Variants in GRIN3A observed in about 807,000 individuals in gnomAD.
GRIN3A encodes glutamate receptor ionotropic, NMDA 3A.
Under a neutral mutation model 92.4 loss-of-function variants are expected in GRIN3A, and 47 were observed. That is an observed-to-expected ratio of 0.51 (90% confidence interval 0.40 to 0.65). The LOEUF (loss-of-function observed/expected upper bound fraction) is 0.65. Ranked by LOEUF, GRIN3A falls within the 30% of genes least tolerant of loss-of-function variation. The pLI is 0.00. For synonymous variants in GRIN3A, 527 were observed against 540.6 expected (o/e 0.97, Z 0.35); for missense variants, 1,324 against 1,393.1 (o/e 0.95, Z 0.79).
At chr9:101,692,827 CT>C (rs1829637564) in intron 1 of GRIN3A, among the ~76,000 whole-genome samples, 1 of 152,116 alleles carries the variant, frequency 6.6e-6, no homozygotes, top group Non-Finnish European at 1.5e-5. Flanking sequence ...AAGATTGTTC[CT>C]TTAGCAGCCC....
At chr9:101,588,098 C>A (rs968502948) in intron 6 of GRIN3A, among the ~76,000 whole-genome samples, 1 of 152,026 alleles carries the variant, frequency 6.6e-6, no homozygotes, top group Admixed American at 6.5e-5. Context: ...GACAGAGTTT[C>A]CCAGGTGAGA....
intron 1 of GRIN3A, among the ~76,000 whole-genome samples, chr9:101,689,793 A>G (rs1829591235): frequency 6.6e-6 from 1 of 151,842 alleles, no homozygotes; most frequent in Admixed American, 6.6e-5. Context: ...GAAAACTTAT[A>G]ACACTAAAAT....
chr9:101,692,783 A>G (rs577980428), intron 1 of GRIN3A, among the ~76,000 whole-genome samples: 3 of 152,262 alleles, frequency 2.0e-5, no homozygotes, highest in South Asian at 2.1e-4. Context: ...CATTTGACCT[A>G]TATTATACAG....
intron 6 of GRIN3A, among the ~76,000 whole-genome samples, chr9:101,612,182 G>A (rs1828377323): frequency 6.6e-6 from 1 of 152,232 alleles, no homozygotes; most frequent in Non-Finnish European, 1.5e-5. Flanking sequence ...AGTGGTCCAG[G>A]TGAAGAATGA....
intron 6 of GRIN3A, among the ~76,000 whole-genome samples, chr9:101,586,334 A>G (rs1005299555): frequency 2.6e-5 from 4 of 152,222 alleles, no homozygotes. Flanking sequence ...CTTGTTTAGA[A>G]CAGTGCCCAG....
intron 2 of GRIN3A, among the ~76,000 whole-genome samples, chr9:101,686,190 T>A (rs1012649543): frequency 6.6e-6 from 1 of 152,208 alleles, no homozygotes. Flanking sequence ...TTATTTTGCA[T>A]CTACTATAAG....
intron 6 of GRIN3A, among the ~76,000 whole-genome samples, chr9:101,604,766 T>G (rs1451601431): frequency 6.6e-6 from 1 of 152,182 alleles, no homozygotes; most frequent in East Asian, 1.9e-4. Flanking sequence ...TTTGAGTTTT[T>G]AATATGAATT....
At chr9:101,595,178 G>A (rs1304978659) in intron 6 of GRIN3A, among the ~76,000 whole-genome samples, 1 of 151,096 alleles carries the variant, frequency 6.6e-6, no homozygotes, top group Non-Finnish European at 1.5e-5. Flanking sequence ...AGTATAGGGA[G>A]GAGAGAATGG....
At chr9:101,641,876 A>G (rs1356591961) in intron 3 of GRIN3A, among the ~76,000 whole-genome samples, 1 of 152,098 alleles carries the variant, frequency 6.6e-6, no homozygotes, top group Non-Finnish European at 1.5e-5. Flanking sequence ...TTGCACTTAA[A>G]TGTATTTCAT....
chr9:101,633,535 T>C (rs183850818), intron 3 of GRIN3A, among the ~76,000 whole-genome samples: 1 of 152,274 alleles, frequency 6.6e-6, no homozygotes, highest in East Asian at 1.9e-4. Flanking sequence ...TGGTCCGTGG[T>C]CTGGTGGAAC....
intron 8 of GRIN3A, 47 bp from the exon 9 acceptor site, chr9:101,573,560 C>CAG: frequency 7.0e-7 from 1 of 1,424,128 alleles, no homozygotes. Flanking sequence ...CTGCAGCTCT[C>CAG]AAGGTGCTGT....
chr9:101,670,808 CCTTCATCAT>C lies in GRIN3A; in HGVS notation c.1595_1603del (p.Asp532_Glu534del). The C allele has an allele frequency of 6.2e-7, 1 of 1,614,066 alleles. No homozygotes were observed. Among genetic ancestry groups the C allele is most frequent in the Non-Finnish European group, 8.5e-7 (1 of 1,179,972 alleles). ...ACAGAGTTGGCCAGCAGGGCACAAG[CCTTCATCAT>C]CTACCTCCCTTGTGAAGACAAAAGG... is the stretch of plus-strand genomic sequence containing the variant. On this transcript the variant is annotated inframe_deletion, in exon 3 of 9. Coordinates refer to ENST00000361820, the MANE Select transcript of GRIN3A (RefSeq NM_133445.3).
chr9:101,615,397 T>TC (rs1828431144), intron 5 of GRIN3A, among the ~76,000 whole-genome samples: 1 of 148,416 alleles, frequency 6.7e-6, no homozygotes, highest in Non-Finnish European at 1.5e-5. Context: ...TTTTTTTTTT[T>TC]TTTTTTTTTG....
intron 3 of GRIN3A, among the ~76,000 whole-genome samples, chr9:101,633,452 A>G (rs1247737927): frequency 6.6e-6 from 1 of 152,170 alleles, no homozygotes; most frequent in Admixed American, 6.5e-5. Context: ...TGCAAGTCTA[A>G]TCATCCACTA....
At chr9:101,624,101 A>G (rs1828596017) in intron 4 of GRIN3A, among the ~76,000 whole-genome samples, 1 of 152,228 alleles carries the variant, frequency 6.6e-6, no homozygotes, top group Non-Finnish European at 1.5e-5. Context: ...TCTATGAGGA[A>G]CAGTTTCAGA....
At chr9:101,723,336 C>A (rs569382635) in intron 1 of GRIN3A, among the ~76,000 whole-genome samples, 146 of 152,042 alleles carry the variant, frequency 9.6e-4, no homozygotes, top group African/African-American at 3.4e-3. Flanking sequence ...TGTTACAGCT[C>A]TTAAGGCAGC....
chr9:101,703,732 A>G (rs547848294), intron 1 of GRIN3A, among the ~76,000 whole-genome samples: 1 of 152,302 alleles, frequency 6.6e-6, no homozygotes, highest in Non-Finnish European at 1.5e-5. Flanking sequence ...TTGATTGATA[A>G]CGCATTTCTC....
At chr9:101,668,737 A>C (rs534390983) in intron 3 of GRIN3A, among the ~76,000 whole-genome samples, 2 of 152,266 alleles carry the variant, frequency 1.3e-5, no homozygotes, top group South Asian at 4.1e-4. Flanking sequence ...GTCACTTATC[A>C]GAAGGTTTGC....
intron 3 of GRIN3A, among the ~76,000 whole-genome samples, chr9:101,652,205 C>T (rs1056191973): frequency 1.3e-5 from 2 of 151,978 alleles, no homozygotes; most frequent in Non-Finnish European, 2.9e-5. Context: ...CCCAGGGTCA[C>T]AAAACCCAGT....
Sources: allele counts gnomAD v4.1 joint callset (sites outside exome capture counted in the v4.1 genomes callset), GRCh38; gene constraint gnomAD v4.1.1; transcripts MANE v1.5; gene names NCBI Gene and HGNC (gene_info 2026-07-23, HGNC 2026-07-21).